Variants in EPYC observed in about 807,000 individuals in gnomAD.
EPYC encodes the protein epiphycan.
EPYC carries 28 observed loss-of-function variants against 30.1 expected under a neutral mutation model. That is an observed-to-expected ratio of 0.93 (90% CI 0.69 to 1.28). The LOEUF is 1.28. Among genes scored for constraint, EPYC ranks in the 50% most tolerant of loss-of-function variants. The pLI, the probability that EPYC is intolerant of heterozygous loss-of-function variation, is 0.00. For missense variants in EPYC, 382 were observed against 383.5 expected (o/e 1.00, Z 0.03); for synonymous variants, 144 against 141.4 (o/e 1.02, Z -0.13).
At chr12:90,978,022 T>G in intron 3 of EPYC, 66 bp downstream of exon 3, 1 of 1,414,722 alleles carries the variant, frequency 7.1e-7, no homozygotes, top group Non-Finnish European at 9.3e-7. Flanking sequence ...CCTGTAGAGT[T>G]GAAGCTGTGC....
At chr12:90,969,533 A>T (rs1876981967) in intron 6 of EPYC, among the ~76,000 whole-genome samples, 1 of 151,640 alleles carries the variant, frequency 6.6e-6, no homozygotes, top group Admixed American at 6.6e-5. Context: ...TAAAAAAAAA[A>T]AAACCTGCAC....
intron 4 of EPYC, 152 bp downstream of exon 4, chr12:90,972,670 G>T: frequency 1.5e-6 from 1 of 653,536 alleles, no homozygotes. Flanking sequence ...AATTGTTAAA[G>T]CAAACTCTCA....
chr12:90,979,645 A>G (rs1204043800), intron 2 of EPYC, among the ~76,000 whole-genome samples: 1 of 152,118 alleles, frequency 6.6e-6, no homozygotes, highest in Non-Finnish European at 1.5e-5. Context: ...CTGTGCTTCC[A>G]TAGAGTCTCT....
chr12:90,977,064 A>G (rs534164193), intron 3 of EPYC, among the ~76,000 whole-genome samples: 1 of 152,242 alleles, frequency 6.6e-6, no homozygotes, highest in East Asian at 1.9e-4. Flanking sequence ...TTGCCTCTAA[A>G]TTTGTTTCTA....
Position 90,975,973 on chromosome 12 carries a change from G to GT in EPYC, c.340+2114dup, listed in dbSNP as rs1285788924. Reference sequence around the variant, plus strand: ...TGGACACATTTTATAGTATGTCAGAGTTTTAGTTTTCTTATTTTTAAAAAT... The same window carrying GT: ...TGGACACATTTTATAGTATGTCAGAGTTTTTAGTTTTCTTATTTTTAAAAAT... On this transcript the variant is annotated intron_variant, in intron 3 of 6. Transcript: ENST00000261172. Among the ~76,000 whole-genome samples the GT allele has an allele frequency of 2.6e-5, 4 of 152,050 alleles. 1 individual carries two copies. Among genetic ancestry groups the GT allele is most frequent in the Non-Finnish European group, 5.9e-5 (4 of 68,000 alleles).
chr12:90,972,244 A>G (rs1407142377), intron 4 of EPYC, among the ~76,000 whole-genome samples: 2 of 152,186 alleles, frequency 1.3e-5, no homozygotes, highest in African/African-American at 2.4e-5. Context: ...TCTCTCCATA[A>G]TCTTCATAAA....
intron 2 of EPYC, among the ~76,000 whole-genome samples, chr12:90,999,933 TC>T (rs1877784835): frequency 1.3e-5 from 2 of 152,088 alleles, no homozygotes; most frequent in African/African-American, 4.8e-5. Flanking sequence ...TTTCTTTTTT[TC>T]TTAGATAATG....
Position 90,978,086 on chromosome 12 carries a change from A to T in EPYC, c.340+2T>A. ...TTGTAATTCTGCTTTGAGGTACCTG[A>T]CCTTCATTTGTGTGTGGCCCCAGAA... is the stretch of plus-strand genomic sequence containing the variant. On this transcript the variant is annotated splice_donor_variant, in intron 3 of 6. Coordinates refer to ENST00000261172, the MANE Select transcript of EPYC (RefSeq NM_004950.5). LOFTEE classifies it high-confidence loss of function. The T allele has an allele frequency of 6.4e-7, 1 of 1,558,842 alleles. No homozygotes were observed. The highest frequency in any genetic ancestry group is 8.6e-7 in the Non-Finnish European group (1 of 1,158,170).
rs763236293 is a variant in EPYC, at chr12:90,970,069, T to C, written c.773A>G (p.Glu258Gly). The C allele has an allele frequency of 3.7e-6, 6 of 1,613,994 alleles. No individual in the cohort carries two copies. In the Middle Eastern group the frequency reaches 8.3e-4, roughly 222 times the overall value. The change falls in exon 6 of 7, where the codon GAA becomes GGA. Residue 258 changes from glutamate (E) to glycine (G), a missense_variant. Transcript: ENST00000261172. ...NLDHIPLPLP[E>G]NLRALHLQNN... ...CTGGAGGTGAAGGGCTCGTAGATTT[T>C]CTGGGAGTGGCAGAGGGATGTGGTC...
Position 90,982,061 on chromosome 12 carries a change from CT to C in EPYC, c.166-3800del, listed in dbSNP as rs1446929091. Among the ~76,000 whole-genome samples, 3 of 152,066 alleles carry C rather than the reference CT, an allele frequency of 2.0e-5. No individual in the cohort carries two copies. The East Asian group carries it at 5.8e-4, about 29-fold the overall frequency. On this transcript the variant is annotated intron_variant, in intron 2 of 6. Coordinates refer to ENST00000261172, the MANE Select transcript of EPYC (RefSeq NM_004950.5). The stretch of plus-strand genomic sequence containing the variant: ...CAGTCTTTATAATTATCTAAAATGT[CT>C]ATGTCAAACATTATGCTTAAGTTAT...
chr12:90,980,966 G>C (rs1003696826), intron 2 of EPYC, among the ~76,000 whole-genome samples: 2 of 152,076 alleles, frequency 1.3e-5, no homozygotes, highest in Non-Finnish European at 2.9e-5. Flanking sequence ...TCTTAACATC[G>C]TACCAGCAGA....
At chr12:90,993,855 C>A (rs548133719) in intron 2 of EPYC, among the ~76,000 whole-genome samples, 6 of 151,770 alleles carry the variant, frequency 4.0e-5, no homozygotes, top group Non-Finnish European at 8.8e-5. Context: ...ATGTAAGTAA[C>A]CTTAAATACT....
intron 6 of EPYC, among the ~76,000 whole-genome samples, chr12:90,968,079 G>T (rs1412940421): frequency 4.6e-5 from 7 of 151,756 alleles, no homozygotes; most frequent in Non-Finnish European, 1.0e-4. Flanking sequence ...CATGTATTTT[G>T]GGCCTCTGTT....
chr12:90,974,038 TCACACACACACACACACA>T (rs560408641), intron 3 of EPYC, among the ~76,000 whole-genome samples: 1 of 140,366 alleles, frequency 7.1e-6, no homozygotes, highest in Non-Finnish European at 1.5e-5. Flanking sequence ...TTACACACAC[TCACACACACACACACACA>T]CACACACACA....
intron 2 of EPYC, among the ~76,000 whole-genome samples, chr12:90,991,864 G>A (rs538632911): frequency 3.3e-5 from 5 of 152,178 alleles, no homozygotes; most frequent in Admixed American, 6.5e-5. Context: ...ATGCAGACTC[G>A]GATGTAGGAG....
chr12:90,992,195 T>G (rs1181093817), intron 2 of EPYC, among the ~76,000 whole-genome samples: 1 of 152,178 alleles, frequency 6.6e-6, no homozygotes, highest in Non-Finnish European at 1.5e-5. Context: ...CAATAGTGTT[T>G]GCATTCCTAT....
At chr12:90,995,022 T>C (rs900762267) in intron 2 of EPYC, among the ~76,000 whole-genome samples, 4 of 152,140 alleles carry the variant, frequency 2.6e-5, no homozygotes, top group African/African-American at 9.6e-5. Context: ...ACTAAAGATG[T>C]ATTTTTATGG....
At chr12:90,985,211 G>A (rs1877421990) in intron 2 of EPYC, among the ~76,000 whole-genome samples, 1 of 151,652 alleles carries the variant, frequency 6.6e-6, no homozygotes. Flanking sequence ...AAAAGACTAA[G>A]GAGAATTAGG....
intron 2 of EPYC, 27 bp downstream of exon 2, chr12:91,002,374 A>T (rs1181910825): frequency 6.3e-7 from 1 of 1,594,948 alleles, no homozygotes; most frequent in African/African-American, 1.4e-5. Context: ...TGCTTTTTAA[A>T]GTTTCAAGAG....
Sources: gnomAD v4.1 joint callset for allele counts (sites outside exome capture counted in the v4.1 genomes callset) on GRCh38, gnomAD v4.1.1 for gene constraint, MANE v1.5 for transcripts, NCBI Gene and HGNC (gene_info 2026-07-23, HGNC 2026-07-21) for gene names.